Variants in NIPBL observed in about 807,000 individuals in gnomAD.
NIPBL encodes the protein nipped-B-like protein.
NIPBL carries 19 observed loss-of-function variants against 321.8 expected under a neutral mutation model. The ratio of observed to expected loss-of-function variants is 0.06; its 90% CI spans 0.04 to 0.09. NIPBL has a LOEUF of 0.09. Among genes scored for constraint, NIPBL ranks in the 10% least tolerant of loss-of-function variants. The probability of loss-of-function intolerance (pLI) is 1.00; values close to 1 mark genes in which losing one functional copy is unlikely to be tolerated. For synonymous variants in NIPBL, 1,106 were observed against 1,114.1 expected, an observed-to-expected ratio of 0.99 and a Z score of 0.14; for missense variants, 2,210 against 3,327.0, an observed-to-expected ratio of 0.66 and a Z score of 8.26.
At chr5:36,962,526 A>C (rs188137688) in intron 6 of NIPBL, among the ~76,000 whole-genome samples, 11 of 152,314 alleles carry the variant, frequency 7.2e-5, no homozygotes, top group African/African-American at 2.4e-4. Flanking sequence ...ATAACTAAGT[A>C]TATTTAGGTG....
At chr5:36,898,143 T>C (rs1746914431) in intron 1 of NIPBL, among the ~76,000 whole-genome samples, 1 of 151,946 alleles carries the variant, frequency 6.6e-6, no homozygotes, top group Admixed American at 6.6e-5. Flanking sequence ...AAATAAAGAG[T>C]AAAAATCTAG....
At chr5:36,965,267 A>T (rs1310168540) in intron 6 of NIPBL, among the ~76,000 whole-genome samples, 3 of 152,158 alleles carry the variant, frequency 2.0e-5, no homozygotes, top group Admixed American at 2.0e-4. Flanking sequence ...CAAAATATGG[A>T]ATCAACCTAA....
intron 42 of NIPBL, among the ~76,000 whole-genome samples, chr5:37,054,195 C>CAAAAAAAA (rs1200216062): frequency 1.7e-5 from 1 of 57,552 alleles, no homozygotes. Flanking sequence ...GACTCCGTCT[C>CAAAAAAAA]AAAAAAAAAA....
chr5:36,985,895 T>C lies in NIPBL; in HGVS notation c.2715T>C (p.Ser905=). 1.2e-6 allele frequency: 2 copies of C among 1,613,866 alleles called. No individual in the cohort carries two copies. The highest frequency in any genetic ancestry group is 2.2e-5 in the South Asian group (2 of 91,076). ...VKQGDSNKSR[S]DKLGFKSPTS... Reference sequence around the variant, plus strand: ...AAGGAGATTCTAATAAATCAAGATCTGATAAACTTGGTTTTAAATCACCAA... The same window carrying C: ...AAGGAGATTCTAATAAATCAAGATCCGATAAACTTGGTTTTAAATCACCAA... The change falls in exon 10 of 47, where the codon TCT becomes TCC. Residue 905 remains serine (S), a synonymous_variant. Coordinates refer to ENST00000282516, the MANE Select transcript of NIPBL (RefSeq NM_133433.4).
chr5:36,954,683 A>G (rs1740749432), intron 2 of NIPBL, among the ~76,000 whole-genome samples: 1 of 152,076 alleles, frequency 6.6e-6, no homozygotes, highest in African/African-American at 2.4e-5. Flanking sequence ...TTAAGTAATA[A>G]TTTATTTTCT....
At chr5:37,028,868 T>A (rs569834854) in intron 32 of NIPBL, among the ~76,000 whole-genome samples, 1 of 152,342 alleles carries the variant, frequency 6.6e-6, no homozygotes, top group South Asian at 2.1e-4. Context: ...TTAAGTCTCT[T>A]ATGTTAGTTT....
At chr5:37,042,629 A>C (rs1381906213) in intron 34 of NIPBL, among the ~76,000 whole-genome samples, 1 of 151,974 alleles carries the variant, frequency 6.6e-6, no homozygotes, top group Non-Finnish European at 1.5e-5. Context: ...ATCTCTACTA[A>C]AAATACAAAA....
rs1755149298 is a variant in NIPBL, at chr5:37,064,286, A to G, written c.8050-241A>G. The G allele has an allele frequency of 2.2e-6, 3 of 1,376,368 alleles. No homozygotes were observed. The South Asian group carries it at 4.8e-5, about 22-fold the overall frequency. 85.3% of individuals were successfully genotyped at this position (1,376,368 alleles called of 1,614,324 possible). A position where few individuals can be genotyped will look rare whatever the true frequency, so the allele number is the denominator to read the frequency against. ...ATGTAGCTATATGGTTCATATGTAT[A>G]TATAATTTTATATATCAATAAGAGT... On this transcript the variant is annotated intron_variant, in intron 46 of 46. Transcript: ENST00000282516.
At chr5:37,043,937 T>C (rs950899793) in intron 34 of NIPBL, among the ~76,000 whole-genome samples, 1 of 152,146 alleles carries the variant, frequency 6.6e-6, no homozygotes, top group Admixed American at 6.5e-5. Context: ...TGCCAAATAC[T>C]CCTGTGTCAG....
chr5:37,000,122 A>G (rs1379642984), intron 11 of NIPBL, among the ~76,000 whole-genome samples: 3 of 152,152 alleles, frequency 2.0e-5, no homozygotes, highest in Non-Finnish European at 1.5e-5. Flanking sequence ...AATTTCAAGA[A>G]CCTTCCTCTC....
chr5:37,064,295 T>C (rs1211438440), intron 46 of NIPBL: 1 of 1,387,812 alleles, frequency 7.2e-7, no homozygotes, highest in African/African-American at 1.5e-5. Context: ...TATATAATTT[T>C]ATATATCAAT....
intron 45 of NIPBL, among the ~76,000 whole-genome samples, chr5:37,063,589 G>A (rs1223361057): frequency 3.9e-5 from 6 of 152,162 alleles, no homozygotes; most frequent in Non-Finnish European, 7.3e-5. Context: ...TTGGGTAGTT[G>A]TGACAGACTA....
intron 1 of NIPBL, among the ~76,000 whole-genome samples, chr5:36,884,601 G>A: frequency 6.6e-6 from 1 of 152,112 alleles, no homozygotes; most frequent in East Asian, 1.9e-4. Flanking sequence ...CATCAGCTCT[G>A]TGAAAGCAAA....
intron 1 of NIPBL, among the ~76,000 whole-genome samples, chr5:36,936,275 C>T (rs1009228948): frequency 3.3e-5 from 5 of 152,086 alleles, no homozygotes; most frequent in Non-Finnish European, 7.4e-5. Flanking sequence ...CAGTCATGCA[C>T]CATATGATGA....
intron 6 of NIPBL, among the ~76,000 whole-genome samples, chr5:36,966,166 T>G (rs957480436): frequency 1.3e-5 from 2 of 152,124 alleles, no homozygotes; most frequent in Non-Finnish European, 2.9e-5. Context: ...CATGTTCAAA[T>G]CTAGCTTTTC....
intron 24 of NIPBL, among the ~76,000 whole-genome samples, chr5:37,018,800 C>G (rs1749287252): frequency 6.6e-6 from 1 of 152,032 alleles, no homozygotes; most frequent in African/African-American, 2.4e-5. Flanking sequence ...CCTATGAGCT[C>G]TTTTTTTAAA....
intron 6 of NIPBL, among the ~76,000 whole-genome samples, chr5:36,965,129 G>A (rs1742061206): frequency 6.6e-6 from 1 of 152,072 alleles, no homozygotes; most frequent in Non-Finnish European, 1.5e-5. Flanking sequence ...TGGTTTCTCA[G>A]AATACTAAAA....
chr5:37,008,291 T>G (rs1268418071), intron 19 of NIPBL, among the ~76,000 whole-genome samples: 1 of 152,116 alleles, frequency 6.6e-6, no homozygotes, highest in East Asian at 1.9e-4. Context: ...GGTTATTCTG[T>G]TTTTGTCACA....
chr5:36,952,058 GCGCGCGCGCGCGCGCA>G (rs1261778341), intron 1 of NIPBL, among the ~76,000 whole-genome samples: 70 of 92,894 alleles, frequency 7.5e-4, no homozygotes, highest in Admixed American at 1.8e-3. Flanking sequence ...GTGTGTGCGC[GCGCGCGCGCGCGCGCA>G]TGTGTGTGTG....
Sources: gnomAD v4.1 joint callset for allele counts (sites outside exome capture counted in the v4.1 genomes callset) on GRCh38, gnomAD v4.1.1 for gene constraint, MANE v1.5 for transcripts, NCBI Gene and HGNC (gene_info 2026-07-23, HGNC 2026-07-21) for gene names.